The following FAM110B variants were observed in gnomAD, a reference collection of about 807,000 sequenced individuals.
FAM110B encodes protein FAM110B.
FAM110B carries 6 observed loss-of-function variants against 20.4 expected under a neutral mutation model. The ratio of observed to expected loss-of-function variants is 0.29; its 90% CI spans 0.16 to 0.58. FAM110B has a LOEUF of 0.58. Ranked by LOEUF, FAM110B falls within the 20% of genes least tolerant of loss-of-function variation. FAM110B has a pLI of 0.90. For synonymous variants in FAM110B, 226 were observed against 214.1 expected (o/e 1.06, Z -0.49); for missense variants, 434 against 498.2 (o/e 0.87, Z 1.23).
At position 58,146,238 on chromosome 8, in the gene FAM110B, C is replaced by T; in HGVS notation, c.8C>T (p.Thr3Met). MPTETLQTGSMVK... is the reference protein window; with the variant it reads MPMETLQTGSMVK... ...GGGGAAAGACCGCCCACCATGCCCA[C>T]GGAGACCCTACAGACAGGTAGCATG... The change falls in exon 4 of 4, where the codon ACG becomes ATG. Residue 3 changes from threonine to methionine, a missense_variant. Around this residue, in one of 3 missense-constraint regions of FAM110B, gnomAD observed 56 missense variants for 82.1 expected, o/e 0.68. Transcript: ENST00000519262. 3 of 1,596,738 alleles carry T rather than the reference C, an allele frequency of 1.9e-6. No individual in the cohort carries two copies. Among genetic ancestry groups the T allele is most frequent in the Non-Finnish European group, 2.6e-6 (3 of 1,168,356 alleles).
chr8:57,998,795 G>A (rs1315763702), intron 1 of FAM110B, among the ~76,000 whole-genome samples: 1 of 152,162 alleles, frequency 6.6e-6, no homozygotes, highest in Non-Finnish European at 1.5e-5. Flanking sequence ...TAAGATATAA[G>A]GCTTCTCCAC....
chr8:58,067,715 C>T (rs1202145526), intron 2 of FAM110B, among the ~76,000 whole-genome samples: 2 of 152,202 alleles, frequency 1.3e-5, no homozygotes, highest in Non-Finnish European at 2.9e-5. Flanking sequence ...CTCTGTTATT[C>T]CCTACAGTAT....
chr8:58,003,965 G>A (rs1211640296), intron 1 of FAM110B, among the ~76,000 whole-genome samples: 2 of 152,052 alleles, frequency 1.3e-5, no homozygotes, highest in African/African-American at 4.8e-5. Context: ...TGAAAGTTTT[G>A]ACCAGCAGTC....
At chr8:58,129,181 T>C (rs1397152495) in intron 3 of FAM110B, among the ~76,000 whole-genome samples, 1 of 152,160 alleles carries the variant, frequency 6.6e-6, no homozygotes, top group Non-Finnish European at 1.5e-5. Context: ...TCTAGGCTAA[T>C]GGAAGGGAAA....
intron 1 of FAM110B, among the ~76,000 whole-genome samples, chr8:58,001,680 C>T (rs912594654): frequency 6.6e-6 from 1 of 152,086 alleles, no homozygotes; most frequent in Non-Finnish European, 1.5e-5. Context: ...GGGACCAAAT[C>T]GCAGGGCCCT....
At chr8:58,045,232 CAG>C in intron 2 of FAM110B, among the ~76,000 whole-genome samples, 1 of 152,158 alleles carries the variant, frequency 6.6e-6, no homozygotes, top group Admixed American at 6.5e-5. Context: ...CTGTGTGCAT[CAG>C]CAGTCATCAG....
At chr8:58,057,060 G>A (rs1377986898) in intron 2 of FAM110B, among the ~76,000 whole-genome samples, 1 of 152,206 alleles carries the variant, frequency 6.6e-6, no homozygotes, top group Non-Finnish European at 1.5e-5. Context: ...GGCATTAAGT[G>A]CTGCAGAGTG....
At chr8:58,078,914 C>A (rs559408256) in intron 3 of FAM110B, among the ~76,000 whole-genome samples, 20 of 152,248 alleles carry the variant, frequency 1.3e-4, no homozygotes, top group African/African-American at 4.6e-4. Context: ...ACAACAACAA[C>A]CCTCGTGCAT....
In FAM110B at chr8:58,144,239, G is replaced by A. The variant is rs570487058; in HGVS notation, c.-324-1668G>A. 3.9e-5 allele frequency among the ~76,000 whole-genome samples: 6 copies of A among 152,264 alleles called. No individual in the cohort carries two copies. In the South Asian group the frequency reaches 6.2e-4, roughly 16 times the overall value. The stretch of plus-strand genomic sequence containing the variant: ...CAAGGGTCCCGGGTATGATGACCTC[G>A]GAGTTGCATCCTGGCCCAGGCTCTG... On this transcript the variant is annotated intron_variant, in intron 3 of 3. Transcript: ENST00000519262.
chr8:58,098,183 G>A (rs1470547221), intron 3 of FAM110B, among the ~76,000 whole-genome samples: 1 of 152,234 alleles, frequency 6.6e-6, no homozygotes, highest in African/African-American at 2.4e-5. Flanking sequence ...AGGGAGATGG[G>A]AGTTTTATCT....
chr8:58,047,159 G>A (rs1473122777), intron 2 of FAM110B, among the ~76,000 whole-genome samples: 1 of 152,176 alleles, frequency 6.6e-6, no homozygotes. Context: ...TCAGTACACT[G>A]CTTTCCTATG....
At chr8:58,096,051 A>T (rs1806618428) in intron 3 of FAM110B, among the ~76,000 whole-genome samples, 1 of 152,148 alleles carries the variant, frequency 6.6e-6, no homozygotes, top group African/African-American at 2.4e-5. Flanking sequence ...ATCAGAGACT[A>T]GGATTGCAAC....
intron 2 of FAM110B, among the ~76,000 whole-genome samples, chr8:58,035,076 A>C (rs1209764636): frequency 6.6e-6 from 1 of 152,206 alleles, no homozygotes; most frequent in Non-Finnish European, 1.5e-5. Flanking sequence ...GTGTCCAAAA[A>C]TCCTTTTATT....
In FAM110B at chr8:58,009,857, A is replaced by AT. The variant is rs200132856; in HGVS notation, c.-512+15060dup. 4.5e-4 allele frequency among the ~76,000 whole-genome samples: 68 copies of AT among 151,462 alleles called. 2 individuals carry two copies. Among genetic ancestry groups the AT allele is most frequent in the Admixed American group, 2.2e-3 (34 of 15,178 alleles). On this transcript the variant is annotated intron_variant, in intron 1 of 3. Coordinates refer to ENST00000519262, the MANE Select transcript of FAM110B (RefSeq NM_001377989.1). ...GAACAAATCATGCCAAACTGACCTC[A>AT]TTTTTTTTTCTTTTTATAGGGTTAC...
chr8:58,112,761 G>A (rs559578032), intron 3 of FAM110B, among the ~76,000 whole-genome samples: 48 of 152,274 alleles, frequency 3.2e-4, no homozygotes, highest in African/African-American at 1.1e-3. Context: ...AATATGTCTG[G>A]TTTTATGTTT....
chr8:58,047,591 CCTCTCTCTCTCTCTCTCT>C (rs56031012), intron 2 of FAM110B, among the ~76,000 whole-genome samples: 28 of 74,754 alleles, frequency 3.7e-4, no homozygotes, highest in African/African-American at 5.4e-4. Flanking sequence ...CTTCCTTTTT[CCTCTCTCTCTCTCTCTCT>C]CTCTCTCTCT....
intron 3 of FAM110B, among the ~76,000 whole-genome samples, chr8:58,084,979 G>T (rs1394020162): frequency 6.6e-6 from 1 of 152,152 alleles, no homozygotes; most frequent in Non-Finnish European, 1.5e-5. Flanking sequence ...TTTACAGAGG[G>T]TGTTAGAGTG....
chr8:58,137,230 A>G lies in FAM110B; in HGVS notation c.-324-8677A>G, dbSNP rs12676656. Among the ~76,000 whole-genome samples, 69 of 152,320 alleles carry G rather than the reference A, an allele frequency of 4.5e-4. No individual in the cohort carries two copies. The East Asian group carries it at 0.012, about 26-fold the overall frequency. ...TGAAATCTAATGATGGTGATTATCAATGCCAAGTTGCAGACACTGGGGACA... is the reference window on the plus strand; with the variant it reads ...TGAAATCTAATGATGGTGATTATCAGTGCCAAGTTGCAGACACTGGGGACA... On this transcript the variant is annotated intron_variant, in intron 3 of 3. Coordinates refer to ENST00000519262, the MANE Select transcript of FAM110B (RefSeq NM_001377989.1).
At chr8:58,092,267 C>CT (rs1222571544) in intron 3 of FAM110B, among the ~76,000 whole-genome samples, 1 of 151,938 alleles carries the variant, frequency 6.6e-6, no homozygotes, top group Admixed American at 6.6e-5. Context: ...TAATTTTACT[C>CT]TAAGTTCTGG....
Sources: allele counts gnomAD v4.1 joint callset (sites outside exome capture counted in the v4.1 genomes callset), GRCh38; gene constraint gnomAD v4.1.1; regional missense constraint gnomAD v4.1.1; transcripts MANE v1.5; gene names NCBI Gene and HGNC (gene_info 2026-07-23, HGNC 2026-07-21).